Variants in NAA50 observed in about 807,000 individuals in gnomAD.
The protein encoded by NAA50 is N-alpha-acetyltransferase 50.
Under a neutral mutation model 20.7 loss-of-function variants are expected in NAA50, and 7 were observed. The observed-to-expected ratio is 0.34, with a 90% CI of 0.19 to 0.63. The LOEUF is 0.63. NAA50 is among the 30% of genes least tolerant of loss of function. NAA50 has a pLI of 0.75. For missense variants in NAA50, 111 were observed against 199.1 expected (o/e 0.56, Z 2.66); for synonymous variants, 54 against 70.6 (o/e 0.77, Z 1.18).
chr3:113,733,127 G>C (rs1708291771), intron 1 of NAA50, among the ~76,000 whole-genome samples: 1 of 151,612 alleles, frequency 6.6e-6, no homozygotes, highest in African/African-American at 2.4e-5. Context: ...TTTTACATTG[G>C]ATTGCTTGTC....
Position 113,721,690 on chromosome 3 carries a change from G to T in NAA50, c.*70C>A. 2.7e-6 allele frequency: 4 copies of T among 1,505,340 alleles called. No individual in the cohort carries two copies. The highest frequency in any genetic ancestry group is 3.7e-6 in the Non-Finnish European group (4 of 1,086,478). The allele number at this position is 1,505,340 out of a possible 1,614,324, so 93.2% of individuals were successfully genotyped here. A position where few individuals can be genotyped will look rare whatever the true frequency, so the allele number is the denominator to read the frequency against. On this transcript the variant is annotated 3_prime_UTR_variant, in exon 5 of 5. Transcript: ENST00000240922. ...GCTTTAAAAGAAAAGTGTTGGGGTG[G>T]GGGAGGAATCAATGGGCCTCTCTTT...
intron 1 of NAA50, among the ~76,000 whole-genome samples, chr3:113,735,664 C>T (rs1233651940): frequency 6.6e-6 from 1 of 152,176 alleles, no homozygotes; most frequent in Non-Finnish European, 1.5e-5. Flanking sequence ...CATGTGGTCA[C>T]AACTATTTGA....
intron 1 of NAA50, among the ~76,000 whole-genome samples, chr3:113,741,460 G>A (rs537298846): frequency 1.3e-5 from 2 of 152,238 alleles, no homozygotes; most frequent in South Asian, 4.1e-4. Flanking sequence ...ATTGGTTACT[G>A]CAGGCTGCAT....
intron 1 of NAA50, among the ~76,000 whole-genome samples, chr3:113,732,163 G>A (rs1708281287): frequency 6.6e-6 from 1 of 152,194 alleles, no homozygotes; most frequent in Non-Finnish European, 1.5e-5. Flanking sequence ...ATCTTGAGAT[G>A]TGAAGATCAA....
rs1421035429 is a variant in NAA50 at position 113,717,992 on chromosome 3, C to T, written c.*3768G>A. 1 of 152,328 alleles carries T rather than the reference C, an allele frequency of 6.6e-6. No homozygotes were observed. Among genetic ancestry groups the T allele is most frequent in the East Asian group, 1.9e-4 (1 of 5,202 alleles). 9.4% of individuals were successfully genotyped at this position (152,328 alleles called of 1,614,324 possible). On this transcript the variant is annotated 3_prime_UTR_variant, in exon 5 of 5. Transcript: ENST00000240922. The stretch of plus-strand genomic sequence containing the variant: ...TTCACATCCTTGTGCAGTCCCCTCC[C>T]ACACTATACCAAGCTGATTCAATGG...
In NAA50 at chr3:113,721,944, TATAAG is replaced by T. The variant is rs1559736842; in HGVS notation, c.333-12_333-8del. The T allele has an allele frequency of 6.3e-7, 1 of 1,597,082 alleles. No homozygotes were observed. Among genetic ancestry groups the T allele is most frequent in the African/African-American group, 1.4e-5 (1 of 73,400 alleles). ...ATTGCTGATCTGGACATGCCTGAGATATAAGAGAGTATCAGAAAAAAAATTAAAAT... is the reference window on the plus strand; with the variant it reads ...ATTGCTGATCTGGACATGCCTGAGATAGAGTATCAGAAAAAAAATTAAAAT... On this transcript the variant is annotated splice_polypyrimidine_tract_variant and splice_region_variant and intron_variant, in intron 4 of 4. Coordinates refer to ENST00000240922, the MANE Select transcript of NAA50 (RefSeq NM_025146.4).
chr3:113,731,087 A>C (rs1251813412), intron 1 of NAA50, among the ~76,000 whole-genome samples: 1 of 152,200 alleles, frequency 6.6e-6, no homozygotes, highest in African/African-American at 2.4e-5. Flanking sequence ...CCCCTAAATA[A>C]TAAATGAAGT....
intron 1 of NAA50, among the ~76,000 whole-genome samples, chr3:113,726,636 C>T (rs1366278759): frequency 1.3e-5 from 2 of 151,276 alleles, no homozygotes; most frequent in East Asian, 1.9e-4. Flanking sequence ...CACAGCTACC[C>T]GGGAGGCTGA....
At position 113,720,531 on chromosome 3, in the gene NAA50, T is replaced by C. The variant is rs1577066239; in HGVS notation, c.*1229A>G. The C allele has an allele frequency of 2.0e-5, 3 of 152,742 alleles. No individual in the cohort carries two copies. In the South Asian group the frequency reaches 6.2e-4, roughly 32 times the overall value. 9.5% of individuals were successfully genotyped at this position (152,742 alleles called of 1,614,324 possible). On this transcript the variant is annotated 3_prime_UTR_variant, in exon 5 of 5. Transcript: ENST00000240922. ...TCAGTGGAGGAGGTCACAGTGACATTTGTATTATTAACATTTTACACTTCT... is the reference window on the plus strand; with the variant it reads ...TCAGTGGAGGAGGTCACAGTGACATCTGTATTATTAACATTTTACACTTCT...
At chr3:113,739,915 A>G (rs1163978766) in intron 1 of NAA50, among the ~76,000 whole-genome samples, 1 of 152,234 alleles carries the variant, frequency 6.6e-6, no homozygotes, top group East Asian at 1.9e-4. Flanking sequence ...TATCTTGGGA[A>G]GACTTCCTTG....
In NAA50 at chr3:113,719,098, T is replaced by G. The variant is rs1708100034; in HGVS notation, c.*2662A>C. The G allele has an allele frequency of 6.6e-6, 1 of 152,650 alleles. No individual in the cohort carries two copies. The highest frequency in any genetic ancestry group is 2.4e-5 in the African/African-American group (1 of 41,460). The allele number at this position is 152,650 out of a possible 1,614,324, so 9.5% of individuals were successfully genotyped here. A position where few individuals can be genotyped will look rare whatever the true frequency, so the allele number is the denominator to read the frequency against. On this transcript the variant is annotated 3_prime_UTR_variant, in exon 5 of 5. Coordinates refer to ENST00000240922, the MANE Select transcript of NAA50 (RefSeq NM_025146.4). ...AAACTTAGCCATTTAAGTATTTTTT[T>G]AAGTTATTCCCTCCAAAAAACTGAG...
intron 1 of NAA50, among the ~76,000 whole-genome samples, chr3:113,733,852 C>CAAAAAA (rs1559740573): frequency 1.8e-5 from 1 of 57,062 alleles, no homozygotes; most frequent in African/African-American, 1.1e-4. Flanking sequence ...GACTCTGTCT[C>CAAAAAA]CAAAAAAAAA....
chr3:113,725,315 G>A (rs376691978), intron 1 of NAA50, among the ~76,000 whole-genome samples: 4 of 152,236 alleles, frequency 2.6e-5, no homozygotes, highest in East Asian at 1.9e-4. Flanking sequence ...ATTGTGTTTT[G>A]TAGAGAAAAA....
chr3:113,722,063 T>C (rs1312155317), intron 4 of NAA50, 126 bp from the exon 5 acceptor site: 2 of 816,452 alleles, frequency 2.4e-6, no homozygotes, highest in Non-Finnish European at 3.7e-6. Context: ...TCAACAAGGG[T>C]TAGGCATGCT....
At chr3:113,727,043 T>C (rs779451317) in intron 1 of NAA50, among the ~76,000 whole-genome samples, 9 of 152,182 alleles carry the variant, frequency 5.9e-5, no homozygotes, top group Non-Finnish European at 1.0e-4. Context: ...CCGCCCACCT[T>C]GGCCTACCAA....
intron 1 of NAA50, 108 bp from the exon 2 acceptor site, chr3:113,724,203 C>CT (rs1459575456): frequency 8.4e-7 from 1 of 1,196,570 alleles, no homozygotes; most frequent in Non-Finnish European, 1.1e-6. Context: ...AAATCCAACT[C>CT]TTTCAGAGTT....
intron 1 of NAA50, among the ~76,000 whole-genome samples, chr3:113,727,534 T>G (rs1452549642): frequency 6.6e-6 from 1 of 152,090 alleles, no homozygotes; most frequent in African/African-American, 2.4e-5. Context: ...AAGTTTCCAT[T>G]AGGGTGGCCA....
intron 4 of NAA50, among the ~76,000 whole-genome samples, chr3:113,722,454 T>C (rs1201880426): frequency 6.6e-6 from 1 of 152,180 alleles, no homozygotes; most frequent in Non-Finnish European, 1.5e-5. Flanking sequence ...ATCTTAGTCA[T>C]AACTCTTTAT....
At chr3:113,741,212 C>T (rs1708409617) in intron 1 of NAA50, 3 of 475,736 alleles carry the variant, frequency 6.3e-6, no homozygotes. Flanking sequence ...ATCAGCTGCC[C>T]AGCATTCCTG....
Sources: gnomAD v4.1 joint callset for allele counts (sites outside exome capture counted in the v4.1 genomes callset) on GRCh38, gnomAD v4.1.1 for gene constraint, MANE v1.5 for transcripts, NCBI Gene and HGNC (gene_info 2026-07-23, HGNC 2026-07-21) for gene names.